Variants in DGKI observed in about 807,000 individuals in gnomAD.
DGKI encodes DAG kinase iota.
Under a neutral mutation model 147.5 loss-of-function variants are expected in DGKI, and 55 were observed. The observed-to-expected ratio is 0.37, with a 90% CI of 0.30 to 0.47. DGKI has a LOEUF of 0.47. Ranked by LOEUF, DGKI falls within the 20% of genes least tolerant of loss-of-function variation. The pLI, the probability that DGKI is intolerant of heterozygous loss-of-function variation, is 1.00. For missense variants in DGKI, 1,007 were observed against 1,323.8 expected (o/e 0.76, Z 3.71); for synonymous variants, 469 against 477.1 (o/e 0.98, Z 0.22).
chr7:137,394,211 C>A (rs1037106335), intron 32 of DGKI, among the ~76,000 whole-genome samples: 2 of 152,130 alleles, frequency 1.3e-5, no homozygotes, highest in Non-Finnish European at 1.5e-5. Context: ...AAGCCATATG[C>A]GACCCAGGAT....
At chr7:137,522,800 A>G (rs950798212) in intron 20 of DGKI, among the ~76,000 whole-genome samples, 1 of 152,150 alleles carries the variant, frequency 6.6e-6, no homozygotes, top group Admixed American at 6.6e-5. Context: ...TTTGGTTTTC[A>G]TCACCACCAC....
intron 1 of DGKI, among the ~76,000 whole-genome samples, chr7:137,752,385 TG>T (rs1264075803): frequency 2.0e-5 from 3 of 152,224 alleles, no homozygotes; most frequent in Middle Eastern, 3.2e-3. Flanking sequence ...TTCAGTTTTT[TG>T]GTTATAACTT....
At chr7:137,592,459 C>T (rs1053253933) in intron 12 of DGKI, among the ~76,000 whole-genome samples, 1 of 152,224 alleles carries the variant, frequency 6.6e-6, no homozygotes, top group African/African-American at 2.4e-5. Flanking sequence ...GTCAATGCTG[C>T]CACCATCTGT....
At chr7:137,524,827 G>A (rs1384422952) in intron 20 of DGKI, among the ~76,000 whole-genome samples, 5 of 152,252 alleles carry the variant, frequency 3.3e-5, no homozygotes, top group African/African-American at 1.2e-4. Context: ...GAGGTATCAG[G>A]ACTAAGACCT....
At chr7:137,735,718 G>C (rs1166213217) in intron 1 of DGKI, among the ~76,000 whole-genome samples, 1 of 152,008 alleles carries the variant, frequency 6.6e-6, no homozygotes, top group African/African-American at 2.4e-5. Context: ...AGCAATTCTG[G>C]GAAGAAAGGA....
chr7:137,840,042 T>C (rs1226224264), intron 1 of DGKI, among the ~76,000 whole-genome samples: 2 of 152,210 alleles, frequency 1.3e-5, no homozygotes, highest in East Asian at 3.8e-4. Flanking sequence ...CTTCAGCTAA[T>C]ATGCACACAC....
chr7:137,743,799 C>G (rs1045057654), intron 1 of DGKI, among the ~76,000 whole-genome samples: 7 of 151,850 alleles, frequency 4.6e-5, no homozygotes, highest in African/African-American at 9.7e-5. Flanking sequence ...CTGGCTAACA[C>G]AGTGAAACCC....
At chr7:137,615,615 A>G (rs1310818096) in intron 8 of DGKI, among the ~76,000 whole-genome samples, 1 of 150,720 alleles carries the variant, frequency 6.6e-6, no homozygotes, top group African/African-American at 2.4e-5. Context: ...TTCTCCACCT[A>G]TGTTCCAAAT....
At chr7:137,523,512 A>G (rs1334365987) in intron 20 of DGKI, among the ~76,000 whole-genome samples, 4 of 152,094 alleles carry the variant, frequency 2.6e-5, no homozygotes, top group Non-Finnish European at 5.9e-5. Context: ...GTAGATATAC[A>G]TGCACAAATT....
intron 12 of DGKI, among the ~76,000 whole-genome samples, chr7:137,590,884 G>A (rs768080767): frequency 6.6e-6 from 1 of 152,158 alleles, no homozygotes; most frequent in Non-Finnish European, 1.5e-5. Context: ...GTAGAGATGG[G>A]GGCGGCTTTT....
chr7:137,652,349 CTCTT>C (rs1172374624), intron 5 of DGKI, among the ~76,000 whole-genome samples: 2 of 152,148 alleles, frequency 1.3e-5, no homozygotes, highest in South Asian at 2.1e-4. Context: ...AAAATTGTCT[CTCTT>C]TCTCTCTTCC....
At position 137,513,992 on chromosome 7, in the gene DGKI, C is replaced by T. The variant is rs200456884; in HGVS notation, c.2248+7874G>A. On this transcript the variant is annotated intron_variant, in intron 21 of 32. Transcript: ENST00000614521. ...AGGAGCAGAAACATGGAATGCCAGA[C>T]GCTGGGGATGCTGGTACAAGTTGTG... is the stretch of plus-strand genomic sequence containing the variant. The T allele has an allele frequency of 1.8e-3, 1,188 of 665,738 alleles. 34 individuals are homozygous for T. In the East Asian group the frequency reaches 0.032, roughly 18 times the overall value. 41.2% of individuals were successfully genotyped at this position (665,738 alleles called of 1,614,324 possible). A position where few individuals can be genotyped will look rare whatever the true frequency, so the allele number is the denominator to read the frequency against.
intron 1 of DGKI, among the ~76,000 whole-genome samples, chr7:137,817,792 AGG>A (rs1011184357): frequency 3.2e-4 from 48 of 152,248 alleles, no homozygotes; most frequent in African/African-American, 1.1e-3. Flanking sequence ...CAATGCTAAA[AGG>A]TACCTTCCCA....
chr7:137,806,090 C>T (rs1177194993), intron 1 of DGKI, among the ~76,000 whole-genome samples: 1 of 152,208 alleles, frequency 6.6e-6, no homozygotes, highest in Non-Finnish European at 1.5e-5. Flanking sequence ...CTCCTTTTTC[C>T]ACTCACCGTG....
chr7:137,397,493 T>C, intron 30 of DGKI, 80 bp from the exon 31 acceptor site: 1 of 1,434,674 alleles, frequency 7.0e-7, no homozygotes, highest in Non-Finnish European at 9.7e-7. Flanking sequence ...AGTCACAGAA[T>C]TAAAATGCCT....
intron 3 of DGKI, among the ~76,000 whole-genome samples, chr7:137,662,240 C>CTTT (rs1170356266): frequency 4.0e-5 from 5 of 126,444 alleles, no homozygotes; most frequent in African/African-American, 1.5e-4. Context: ...CAGCACACTC[C>CTTT]TTTTTTTTTT....
intron 13 of DGKI, among the ~76,000 whole-genome samples, chr7:137,585,788 T>C (rs1819372418): frequency 6.6e-6 from 1 of 152,022 alleles, no homozygotes; most frequent in African/African-American, 2.4e-5. Flanking sequence ...CTCAATCACC[T>C]CTCCCTGACC....
At chr7:137,580,087 TTGAGCTCATTGAGCTCATTGAA>T (rs1563095700) in intron 15 of DGKI, among the ~76,000 whole-genome samples, 1 of 152,134 alleles carries the variant, frequency 6.6e-6, no homozygotes, top group Non-Finnish European at 1.5e-5. Flanking sequence ...TGAGACTCAC[TTGAGCTCATTGAGCTCATTGAA>T]TGAGCTCATT....
At chr7:137,828,190 C>T (rs1407167557) in intron 1 of DGKI, among the ~76,000 whole-genome samples, 2 of 152,224 alleles carry the variant, frequency 1.3e-5, no homozygotes, top group Non-Finnish European at 2.9e-5. Flanking sequence ...GTATTTGGCA[C>T]ATAGTGGCTA....
Sources: allele counts gnomAD v4.1 joint callset (sites outside exome capture counted in the v4.1 genomes callset), GRCh38; gene constraint gnomAD v4.1.1; transcripts MANE v1.5; gene names NCBI Gene and HGNC (gene_info 2026-07-23, HGNC 2026-07-21).